The following STARD13 variants were observed in gnomAD, a reference collection of about 807,000 sequenced individuals.
The protein encoded by STARD13 is stAR-related lipid transfer protein 13.
A neutral mutation model predicts 106.4 loss-of-function variants in STARD13; 62 were observed. The observed-to-expected ratio is 0.58, with a 90% CI of 0.48 to 0.72. The LOEUF is 0.72. STARD13 is among the 30% of genes least tolerant of loss of function. The pLI, the probability that STARD13 is intolerant of heterozygous loss-of-function variation, is 0.00. For missense variants in STARD13, 1,387 were observed against 1,424.0 expected (o/e 0.97, Z 0.42); for synonymous variants, 565 against 553.0 (o/e 1.02, Z -0.31).
chr13:33,421,743 C>T, the STARD13 span, among the ~76,000 whole-genome samples: 1 of 152,144 alleles, frequency 6.6e-6, no homozygotes, highest in Admixed American at 6.5e-5. Context: ...AAAGCTTATC[C>T]ACCACGATCA....
At chr13:33,660,740 T>C in the STARD13 span, among the ~76,000 whole-genome samples, 4 of 152,196 alleles carry the variant, frequency 2.6e-5, no homozygotes, top group South Asian at 8.3e-4. Context: ...AGAGCCACCA[T>C]GTCTGGCTAC....
At chr13:33,632,484 G>A in the STARD13 span, among the ~76,000 whole-genome samples, 1 of 152,074 alleles carries the variant, frequency 6.6e-6, no homozygotes, top group African/African-American at 2.4e-5. Context: ...TGTCTATATT[G>A]TACCTACATG....
At chr13:33,542,091 T>G in the STARD13 span, among the ~76,000 whole-genome samples, 1 of 152,198 alleles carries the variant, frequency 6.6e-6, no homozygotes, top group Non-Finnish European at 1.5e-5. Flanking sequence ...CTAAAAAGTT[T>G]AAAAAACACG....
the STARD13 span, among the ~76,000 whole-genome samples, chr13:33,478,181 C>T: frequency 6.6e-6 from 1 of 152,188 alleles, no homozygotes; most frequent in Non-Finnish European, 1.5e-5. Flanking sequence ...GATCTCCCAT[C>T]CAATGCAGCA....
At chr13:33,380,610 G>A in the STARD13 span, among the ~76,000 whole-genome samples, 1 of 151,884 alleles carries the variant, frequency 6.6e-6, no homozygotes, top group Non-Finnish European at 1.5e-5. Flanking sequence ...TTAGTCAAAG[G>A]GGGAGGCAGG....
the STARD13 span, among the ~76,000 whole-genome samples, chr13:33,640,271 A>T: frequency 1.3e-5 from 2 of 152,176 alleles, no homozygotes; most frequent in African/African-American, 4.8e-5. Context: ...TTGTCTTTAA[A>T]CCAGAATCCT....
the STARD13 span, among the ~76,000 whole-genome samples, chr13:33,417,129 C>T: frequency 1.3e-5 from 2 of 152,294 alleles, no homozygotes; most frequent in South Asian, 2.1e-4. Context: ...AGATGCTTGA[C>T]ATCATTAGTC....
chr13:33,434,352 CAA>C, the STARD13 span, among the ~76,000 whole-genome samples: 66 of 70,304 alleles, frequency 9.4e-4, no homozygotes, highest in South Asian at 0.023. Flanking sequence ...GACTCTGTCT[CAA>C]AAAAAAAAAA....
chr13:33,622,643 TG>T, the STARD13 span, among the ~76,000 whole-genome samples: 2 of 69,278 alleles, frequency 2.9e-5, no homozygotes, highest in African/African-American at 8.6e-5. Flanking sequence ...AAAAAAAGGC[TG>T]GGCGTGGTGG....
intron 2 of STARD13, among the ~76,000 whole-genome samples, chr13:33,166,810 C>G (rs1360934879): frequency 1.3e-5 from 2 of 151,938 alleles, no homozygotes; most frequent in Non-Finnish European, 2.9e-5. Context: ...GCCTGACCCA[C>G]GTGGTGAAAC....
the STARD13 span, among the ~76,000 whole-genome samples, chr13:33,524,856 T>C: frequency 1.3e-5 from 2 of 152,084 alleles, no homozygotes; most frequent in Non-Finnish European, 2.9e-5. Flanking sequence ...GTGTGTGCGG[T>C]GGGACCACTT....
At chr13:33,394,241 T>C in the STARD13 span, among the ~76,000 whole-genome samples, 1 of 152,102 alleles carries the variant, frequency 6.6e-6, no homozygotes, top group Admixed American at 6.6e-5. Context: ...CCTGGGATAA[T>C]AGTCCTATGA....
chr13:33,469,431 C>A, the STARD13 span, among the ~76,000 whole-genome samples: 1 of 152,140 alleles, frequency 6.6e-6, no homozygotes, highest in Non-Finnish European at 1.5e-5. Flanking sequence ...AACATTTTGG[C>A]TTTTTAAGTC....
intron 10 of STARD13, 29 bp from the exon 11 acceptor site, chr13:33,110,936 C>CT: frequency 6.3e-7 from 1 of 1,583,546 alleles, no homozygotes; most frequent in Non-Finnish European, 8.7e-7. Flanking sequence ...GAAAGGGCAA[C>CT]ACACTGAGCC....
chr13:33,416,241 A>C, the STARD13 span, among the ~76,000 whole-genome samples: 2 of 152,250 alleles, frequency 1.3e-5, no homozygotes, highest in African/African-American at 4.8e-5. Flanking sequence ...AGGAATTATC[A>C]ATCACTAGAT....
the STARD13 span, among the ~76,000 whole-genome samples, chr13:33,675,980 TAAC>T: frequency 1.3e-5 from 2 of 152,254 alleles, no homozygotes; most frequent in East Asian, 1.9e-4. Context: ...CGGATTTTGT[TAAC>T]AACATTAGAC....
At position 33,196,316 on chromosome 13, in the gene STARD13, G is replaced by A. The variant is rs528273829; in HGVS notation, c.170-28694C>T. Among the ~76,000 whole-genome samples the A allele has an allele frequency of 3.9e-5, 6 of 152,296 alleles. 1 individual carries two copies. The highest frequency in any genetic ancestry group is 1.4e-4 in the African/African-American group (6 of 41,556). On this transcript the variant is annotated intron_variant, in intron 1 of 13. Coordinates refer to ENST00000336934, the MANE Select transcript of STARD13 (RefSeq NM_178006.4). Reference sequence around the variant, plus strand: ...GAGGCACAAGAATCGCTGGAACCTGGGGGGCAAAGTGAGCTGAGATTGCAC... The same window carrying A: ...GAGGCACAAGAATCGCTGGAACCTGAGGGGCAAAGTGAGCTGAGATTGCAC...
At chr13:33,182,078 A>T (rs1885293727) in intron 1 of STARD13, among the ~76,000 whole-genome samples, 1 of 152,226 alleles carries the variant, frequency 6.6e-6, no homozygotes, top group Non-Finnish European at 1.5e-5. Context: ...AATAAACTTC[A>T]TGTAGTTGTG....
chr13:33,148,590 G>A (rs1424408884), intron 3 of STARD13, among the ~76,000 whole-genome samples: 2 of 152,216 alleles, frequency 1.3e-5, no homozygotes, highest in African/African-American at 4.8e-5. Flanking sequence ...TGGTGGGAAT[G>A]TGGAGCAACA....
Sources: allele counts gnomAD v4.1 joint callset (sites outside exome capture counted in the v4.1 genomes callset), GRCh38; gene constraint gnomAD v4.1.1; transcripts MANE v1.5; gene names NCBI Gene and HGNC (gene_info 2026-07-23, HGNC 2026-07-21).